The following NBR1 variants were observed in gnomAD, a reference collection of about 807,000 sequenced individuals.
NBR1 encodes NBR1 autophagy cargo receptor, also known as next to BRCA1 gene 1 protein.
NBR1 carries 59 observed loss-of-function variants against 115.5 expected under a neutral mutation model. The ratio of observed to expected loss-of-function variants is 0.51; its 90% CI spans 0.41 to 0.63. The LOEUF is 0.63. NBR1 is among the 30% of genes least tolerant of loss of function. NBR1 has a pLI of 0.00. For synonymous variants in NBR1, 373 were observed against 414.7 expected, an observed-to-expected ratio of 0.90 and a Z score of 1.22; for missense variants, 1,043 against 1,150.5, an observed-to-expected ratio of 0.91 and a Z score of 1.35.
intron 8 of NBR1, chr17:43,190,108 T>G: frequency 3.0e-6 from 1 of 335,316 alleles, no homozygotes; most frequent in Non-Finnish European, 5.6e-6. Flanking sequence ...TTTTTTTTTT[T>G]TTGGTGACAG....
intron 5 of NBR1, among the ~76,000 whole-genome samples, chr17:43,182,268 A>C (rs913916768): frequency 8.5e-6 from 1 of 117,014 alleles, no homozygotes; most frequent in African/African-American, 3.4e-5. Flanking sequence ...CTCAGGCTGG[A>C]GTGCGGTGGC....
At chr17:43,170,876 C>A (rs1006540577), upstream of NBR1, 1 of 152,174 alleles carries the variant, frequency 6.6e-6, no homozygotes, top group East Asian at 1.9e-4. Context: ...AAAAAAGATA[C>A]CTACAACTCC....
chr17:43,175,737 A>G (rs1407527468), intron 1 of NBR1, 54 bp from the exon 2 acceptor site: 1 of 824,328 alleles, frequency 1.2e-6, no homozygotes, highest in African/African-American at 1.7e-5. Flanking sequence ...TGCAACTTAT[A>G]GAACCCTTTC....
Position 43,191,521 on chromosome 17 carries a change from T to C in NBR1, c.1013T>C (p.Leu338Pro), listed in dbSNP as rs780628569. The C allele has an allele frequency of 6.2e-7, 1 of 1,613,434 alleles. No homozygotes were observed. The highest frequency in any genetic ancestry group is 8.5e-7 in the Non-Finnish European group (1 of 1,179,648). The change falls in exon 10 of 21, where the codon CTC becomes CCC. Residue 338 changes from leucine to proline, a missense_variant. Physicochemically the swap from Leu to Pro is moderately conservative, Grantham distance 98 (BLOSUM62 -3). Coordinates refer to ENST00000590996, the MANE Select transcript of NBR1 (RefSeq NM_005899.5). ...KIHLWNSIHG[L>P]QSPKSPLGRP... ...CACCTGTGGAATTCAATCCATGGACTCCAGAGCCCCAAGTCTCCTTTAGGC... is the reference window on the plus strand; with the variant it reads ...CACCTGTGGAATTCAATCCATGGACCCCAGAGCCCCAAGTCTCCTTTAGGC...
intron 13 of NBR1, chr17:43,194,760 A>T: frequency 1.6e-6 from 1 of 621,360 alleles, no homozygotes; most frequent in Non-Finnish European, 2.8e-6. Flanking sequence ...ATTCTCCTTC[A>T]TACCTGCTGC....
At chr17:43,200,033 C>A in intron 16 of NBR1, 134 bp from the exon 17 acceptor site, 1 of 694,110 alleles carries the variant, frequency 1.4e-6, no homozygotes, top group Non-Finnish European at 2.4e-6. Flanking sequence ...CAGAACCAGC[C>A]CTTCCCTTTA....
At chr17:43,188,979 C>A in intron 6 of NBR1, 63 bp from the exon 7 acceptor site, 1 of 1,155,028 alleles carries the variant, frequency 8.7e-7, no homozygotes, top group Non-Finnish European at 1.3e-6. Context: ...ATAATACACT[C>A]CAGGAAAAGT....
rs114122017 is a variant in NBR1 at position 43,189,411 on chromosome 17, C to T, written c.481-177C>T. ...GGATGTTTTGATATTTTCTTCGAAC[C>T]AGTTTAGCTGTGGAAGGAATAGACC... is the stretch of plus-strand genomic sequence containing the variant. On this transcript the variant is annotated intron_variant, in intron 7 of 20. Transcript: ENST00000590996. Among the ~76,000 whole-genome samples the T allele has an allele frequency of 4.3e-3, 658 of 152,232 alleles. 6 individuals carry two copies. Among genetic ancestry groups the T allele is most frequent in the African/African-American group, 0.015 (604 of 41,544 alleles).
Position 43,200,577 on chromosome 17 carries a change from G to A in NBR1, c.2437G>A (p.Glu813Lys). ...TCTGGAAACAGTGCCCCTAATCCCA[G>A]AGGTAGTGGAGCTTCCACCGTCACT... ...QTLETVPLIP[E>K]VVELPPSLPR... The change falls in exon 17 of 21, where the codon GAG (glutamate) becomes AAG (lysine). Residue 813 changes from glutamate to lysine, a missense_variant. Coordinates refer to ENST00000590996, the MANE Select transcript of NBR1 (RefSeq NM_005899.5). 6.2e-7 allele frequency: 1 copy of A among 1,608,844 alleles called. No homozygotes were observed. Among genetic ancestry groups the A allele is most frequent in the Non-Finnish European group, 8.5e-7 (1 of 1,175,962 alleles).
At chr17:43,203,494 G>C (rs1182028775) in intron 19 of NBR1, among the ~76,000 whole-genome samples, 187 bp from the exon 20 acceptor site, 1 of 152,172 alleles carries the variant, frequency 6.6e-6, no homozygotes, top group Non-Finnish European at 1.5e-5. Context: ...TGCACCAGTA[G>C]AGCTGGGCCC....
chr17:43,192,634 G>C (rs1294210045), intron 10 of NBR1, among the ~76,000 whole-genome samples: 1 of 152,182 alleles, frequency 6.6e-6, no homozygotes, highest in Non-Finnish European at 1.5e-5. Context: ...CTCCCAAAGT[G>C]CTGGGATGAC....
intron 1 of NBR1, among the ~76,000 whole-genome samples, chr17:43,174,412 A>G (rs1345351582): frequency 1.3e-5 from 2 of 152,058 alleles, no homozygotes; most frequent in African/African-American, 2.4e-5. Flanking sequence ...CCTGGCTATC[A>G]CGGTGAAACC....
At chr17:43,191,276 C>A in intron 9 of NBR1, 96 bp from the exon 10 acceptor site, 1 of 853,018 alleles carries the variant, frequency 1.2e-6, no homozygotes. Flanking sequence ...AGAAATTAAA[C>A]TGGAAGCTGA....
chr17:43,187,502 C>CT (rs71160025), intron 6 of NBR1, among the ~76,000 whole-genome samples: 40,238 of 69,196 alleles, frequency 0.58, 12,494 homozygotes, highest in Non-Finnish European at 0.66. Context: ...TATTTCCTGA[C>CT]TTTTTTTTTT....
chr17:43,180,098 A>G (rs2056625346), intron 4 of NBR1, among the ~76,000 whole-genome samples: 1 of 152,244 alleles, frequency 6.6e-6, no homozygotes, highest in Non-Finnish European at 1.5e-5. Context: ...GATTAGCTGT[A>G]CATTTAACAA....
intron 5 of NBR1, among the ~76,000 whole-genome samples, chr17:43,184,705 A>G (rs2056758560): frequency 6.6e-6 from 1 of 152,070 alleles, no homozygotes; most frequent in Non-Finnish European, 1.5e-5. Flanking sequence ...ATGCTTAATT[A>G]TAGGACATAT....
At chr17:43,185,437 CA>C (rs1292481242) in intron 5 of NBR1, among the ~76,000 whole-genome samples, 7 of 152,112 alleles carry the variant, frequency 4.6e-5, no homozygotes, top group African/African-American at 1.4e-4. Context: ...TGGTGGTGCG[CA>C]CCTGTAGTCC....
chr17:43,185,364 G>A (rs1367981384), intron 5 of NBR1, among the ~76,000 whole-genome samples: 1 of 152,176 alleles, frequency 6.6e-6, no homozygotes, highest in Admixed American at 6.5e-5. Context: ...CCGGGAGTTC[G>A]AGACTAGCCT....
chr17:43,202,584 C>T, intron 18 of NBR1, 71 bp from the exon 19 acceptor site: 1 of 1,106,410 alleles, frequency 9.0e-7, no homozygotes. Flanking sequence ...TCAATAATAG[C>T]CTTGCTGTGA....
Sources: gnomAD v4.1 joint callset for allele counts (sites outside exome capture counted in the v4.1 genomes callset) on GRCh38, gnomAD v4.1.1 for gene constraint, MANE v1.5 for transcripts, NCBI Gene and HGNC (gene_info 2026-07-23, HGNC 2026-07-21) for gene names.